The following EXT1 variants were observed in gnomAD, a reference collection of about 807,000 sequenced individuals.
The protein encoded by EXT1 is exostosin-1.
In EXT1, 20 loss-of-function variants were observed where a neutral mutation model predicts 82.5. That is an observed-to-expected ratio of 0.24 (90% confidence interval 0.17 to 0.35). The LOEUF (loss-of-function observed/expected upper bound fraction) is 0.35, where lower values mean the gene tolerates loss of function less well. EXT1 is among the 10% of genes least tolerant of loss of function. The pLI, the probability that EXT1 is intolerant of heterozygous loss-of-function variation, is 1.00. For synonymous variants in EXT1, 348 were observed against 350.8 expected, an observed-to-expected ratio of 0.99 and a Z score of 0.09; for missense variants, 757 against 936.5, an observed-to-expected ratio of 0.81 and a Z score of 2.50.
chr8:117,965,606 T>C (rs954223883), intron 1 of EXT1, among the ~76,000 whole-genome samples: 46 of 152,314 alleles, frequency 3.0e-4, no homozygotes, highest in African/African-American at 1.1e-3. Context: ...CTAATACATA[T>C]GGAATAGAAT....
At chr8:118,107,294 T>TC (rs368025739) in intron 1 of EXT1, among the ~76,000 whole-genome samples, 1 of 152,150 alleles carries the variant, frequency 6.6e-6, no homozygotes, top group Non-Finnish European at 1.5e-5. Context: ...GCTTTTTTTT[T>TC]CCCATGGACA....
intron 1 of EXT1, among the ~76,000 whole-genome samples, chr8:118,009,062 T>C (rs1815840995): frequency 6.6e-6 from 1 of 151,998 alleles, no homozygotes; most frequent in Non-Finnish European, 1.5e-5. Context: ...CCCAGAAAAT[T>C]GGGGGAAACC....
At chr8:117,889,945 A>G (rs1013076123) in intron 1 of EXT1, among the ~76,000 whole-genome samples, 3 of 152,202 alleles carry the variant, frequency 2.0e-5, no homozygotes, top group Non-Finnish European at 4.4e-5. Context: ...CAGTTTTTAT[A>G]TGAAAAAAAT....
chr8:117,877,899 G>C (rs1812998364), intron 1 of EXT1, among the ~76,000 whole-genome samples: 1 of 152,170 alleles, frequency 6.6e-6, no homozygotes, highest in Non-Finnish European at 1.5e-5. Flanking sequence ...AGTATTTCAA[G>C]TGATTAAAGA....
chr8:117,828,795 AGTTC>A (rs1422888976), intron 4 of EXT1, among the ~76,000 whole-genome samples: 5 of 152,118 alleles, frequency 3.3e-5, no homozygotes, highest in Admixed American at 3.3e-4. Flanking sequence ...CCTTTTACCC[AGTTC>A]CAGGATGAAA....
intron 1 of EXT1, among the ~76,000 whole-genome samples, chr8:118,106,716 G>C (rs992576202): frequency 3.3e-5 from 5 of 152,206 alleles, no homozygotes; most frequent in African/African-American, 9.7e-5. Context: ...TGTGAACTAT[G>C]AAGTTCATGC....
intron 5 of EXT1, 141 bp from the exon 6 acceptor site, chr8:117,819,935 G>A: frequency 3.8e-6 from 3 of 792,454 alleles, no homozygotes; most frequent in East Asian, 5.0e-5. Flanking sequence ...TGTCCTGACA[G>A]GACAGAAACA....
At chr8:117,971,539 T>A (rs1400156940) in intron 1 of EXT1, among the ~76,000 whole-genome samples, 1 of 152,196 alleles carries the variant, frequency 6.6e-6, no homozygotes, top group Non-Finnish European at 1.5e-5. Context: ...CAAAAGACAT[T>A]ACTCTTTGAG....
chr8:117,978,361 A>G (rs1815111926), intron 1 of EXT1, among the ~76,000 whole-genome samples: 2 of 152,216 alleles, frequency 1.3e-5, no homozygotes, highest in African/African-American at 4.8e-5. Flanking sequence ...ATAGAAACTG[A>G]GTAATAAGTT....
At chr8:117,877,131 C>A (rs941336193) in intron 1 of EXT1, among the ~76,000 whole-genome samples, 2 of 152,166 alleles carry the variant, frequency 1.3e-5, no homozygotes, top group African/African-American at 2.4e-5. Context: ...GTATCTTTTG[C>A]ACGCTGCTTT....
chr8:117,977,180 A>T lies in EXT1; in HGVS notation c.962+132905T>A, dbSNP rs947777542. Among the ~76,000 whole-genome samples, 3 of 152,092 alleles carry T rather than the reference A, an allele frequency of 2.0e-5. 1 individual carries two copies. The highest frequency in any genetic ancestry group is 4.4e-5 in the Non-Finnish European group (3 of 68,016). On this transcript the variant is annotated intron_variant, in intron 1 of 10. Transcript: ENST00000378204. Reference sequence around the variant, plus strand: ...GGTGGGTGGATCACCTGAGGTCAGGAGTTTGAGACCAGCCTGGCTAACATG... The same window carrying T: ...GGTGGGTGGATCACCTGAGGTCAGGTGTTTGAGACCAGCCTGGCTAACATG...
intron 1 of EXT1, among the ~76,000 whole-genome samples, chr8:118,062,286 A>C (rs1047045878): frequency 1.3e-5 from 2 of 152,238 alleles, no homozygotes; most frequent in African/African-American, 4.8e-5. Context: ...GTAGAGGCCA[A>C]GTAAGTTTCA....
chr8:117,930,909 C>T (rs1326453860), intron 1 of EXT1, among the ~76,000 whole-genome samples: 1 of 152,204 alleles, frequency 6.6e-6, no homozygotes, highest in Non-Finnish European at 1.5e-5. Flanking sequence ...GTCATCCTCA[C>T]TGCTCAATTA....
intron 9 of EXT1, among the ~76,000 whole-genome samples, chr8:117,805,894 C>T (rs1181282364): frequency 6.6e-6 from 1 of 152,190 alleles, no homozygotes; most frequent in East Asian, 1.9e-4. Context: ...ATCTCCACCC[C>T]TGAGCTTTTT....
rs140772785 is a variant in EXT1, at chr8:118,011,550, T to C, written c.962+98535A>G. On this transcript the variant is annotated intron_variant, in intron 1 of 10. Transcript: ENST00000378204. ...TTATACATAATAGTCACTTAATTTC[T>C]AGGACTCTCTGAGGTCGGCATGACT... Among the ~76,000 whole-genome samples, 518 of 152,304 alleles carry C rather than the reference T, an allele frequency of 3.4e-3. 4 individuals are homozygous for C. Among genetic ancestry groups the C allele is most frequent in the African/African-American group, 0.012 (486 of 41,570 alleles).
intron 1 of EXT1, among the ~76,000 whole-genome samples, chr8:117,933,723 G>A (rs1351621637): frequency 6.6e-6 from 1 of 152,156 alleles, no homozygotes; most frequent in Non-Finnish European, 1.5e-5. Flanking sequence ...TTTGTTTAAT[G>A]AACAAATGAA....
chr8:117,858,045 A>G (rs1317139852), intron 1 of EXT1, among the ~76,000 whole-genome samples: 1 of 152,230 alleles, frequency 6.6e-6, no homozygotes, highest in Non-Finnish European at 1.5e-5. Context: ...ACTGAATTGC[A>G]GCAATCTTAT....
chr8:117,973,931 A>AAGGAAGGAAGGG (rs1267622625), intron 1 of EXT1, among the ~76,000 whole-genome samples: 2 of 19,374 alleles, frequency 1.0e-4, no homozygotes, highest in African/African-American at 6.1e-4. Flanking sequence ...GGCAGAAAGC[A>AAGGAAGGAAGGG]AGGAAGGAAG....
chr8:117,880,193 T>G (rs886253595), intron 1 of EXT1, among the ~76,000 whole-genome samples: 2 of 152,210 alleles, frequency 1.3e-5, no homozygotes, highest in African/African-American at 4.8e-5. Context: ...TTACAACATG[T>G]GTGTAGAACT....
Sources: allele counts gnomAD v4.1 joint callset (sites outside exome capture counted in the v4.1 genomes callset), GRCh38; gene constraint gnomAD v4.1.1; transcripts MANE v1.5; gene names NCBI Gene and HGNC (gene_info 2026-07-23, HGNC 2026-07-21).